Variants in UNC13C observed in about 807,000 individuals in gnomAD.
UNC13C encodes protein unc-13 homolog C.
Under a neutral mutation model 245.4 loss-of-function variants are expected in UNC13C, and 174 were observed. The ratio of observed to expected loss-of-function variants is 0.71; its 90% CI spans 0.63 to 0.80. The LOEUF (loss-of-function observed/expected upper bound fraction) is 0.80, where lower values mean the gene tolerates loss of function less well. Among genes scored for constraint, UNC13C ranks in the 30% least tolerant of loss-of-function variants. UNC13C has a pLI of 0.00. For missense variants in UNC13C, 2,829 were observed against 2,602.9 expected (o/e 1.09, Z -1.89); for synonymous variants, 992 against 895.1 (o/e 1.11, Z -1.93).
At chr15:54,449,624 A>G (rs993973847) in intron 19 of UNC13C, among the ~76,000 whole-genome samples, 8 of 152,228 alleles carry the variant, frequency 5.3e-5, no homozygotes, top group East Asian at 3.8e-4. Context: ...TTTCAGCTCC[A>G]TCAGGTCCTT....
rs147403923 is a variant in UNC13C at position 54,432,457 on chromosome 15, G to A, written c.4933+17390G>A. Reference sequence around the variant, plus strand: ...AGGATTAAGAAACTCACTCAAAACCGCACAACTACCTGGAAACTGAACAAC... The same window carrying A: ...AGGATTAAGAAACTCACTCAAAACCACACAACTACCTGGAAACTGAACAAC... On this transcript the variant is annotated intron_variant, in intron 19 of 32. Coordinates refer to ENST00000260323, the MANE Select transcript of UNC13C (RefSeq NM_001080534.3). 1.5e-3 allele frequency among the ~76,000 whole-genome samples: 221 copies of A among 151,792 alleles called. 2 individuals carry two copies. Among genetic ancestry groups the A allele is most frequent in the East Asian group, 7.6e-3 (39 of 5,136 alleles).
chr15:54,160,528 G>C (rs532623988), intron 4 of UNC13C, among the ~76,000 whole-genome samples: 1 of 151,906 alleles, frequency 6.6e-6, no homozygotes, highest in South Asian at 2.1e-4. Context: ...AAGATCCAGA[G>C]TCACTTAAAC....
At chr15:54,437,007 C>A (rs570419060) in intron 19 of UNC13C, among the ~76,000 whole-genome samples, 1 of 151,848 alleles carries the variant, frequency 6.6e-6, no homozygotes, top group Non-Finnish European at 1.5e-5. Flanking sequence ...TAGCCCATAG[C>A]CTGCAAAATT....
At chr15:54,301,886 C>G (rs1007275817) in intron 13 of UNC13C, among the ~76,000 whole-genome samples, 1 of 152,176 alleles carries the variant, frequency 6.6e-6, no homozygotes, top group African/African-American at 2.4e-5. Flanking sequence ...AATGGTTGAA[C>G]TAATTTACAC....
intron 4 of UNC13C, among the ~76,000 whole-genome samples, chr15:54,154,813 A>G (rs1028448583): frequency 1.3e-5 from 2 of 152,202 alleles, no homozygotes; most frequent in Admixed American, 1.3e-4. Context: ...AAAAGGGACT[A>G]TATTGTCCTG....
At chr15:54,428,829 A>G (rs943113239) in intron 19 of UNC13C, among the ~76,000 whole-genome samples, 1 of 151,462 alleles carries the variant, frequency 6.6e-6, no homozygotes, top group Non-Finnish European at 1.5e-5. Context: ...ATAGATTGCA[A>G]ATGTGCTTGT....
intron 30 of UNC13C, among the ~76,000 whole-genome samples, chr15:54,592,625 C>T (rs899270436): frequency 2.6e-5 from 4 of 152,104 alleles, no homozygotes; most frequent in African/African-American, 9.7e-5. Flanking sequence ...CCCCTGCTTG[C>T]TTTTGGTGTC....
At chr15:54,160,375 C>T (rs1595927197) in intron 4 of UNC13C, among the ~76,000 whole-genome samples, 2 of 148,892 alleles carry the variant, frequency 1.3e-5, no homozygotes, top group African/African-American at 5.0e-5. Flanking sequence ...TGTTATTACA[C>T]CCTCCTAACA....
At chr15:54,415,550 C>T (rs1201501770) in intron 19 of UNC13C, among the ~76,000 whole-genome samples, 1 of 152,138 alleles carries the variant, frequency 6.6e-6, no homozygotes, top group African/African-American at 2.4e-5. Context: ...AGAAATACAG[C>T]TCTAAGTTAA....
chr15:54,174,134 C>A (rs77320308), intron 4 of UNC13C, among the ~76,000 whole-genome samples: 5,432 of 152,082 alleles, frequency 0.036, 286 homozygotes, highest in East Asian at 0.11. Context: ...TGTTTTTATG[C>A]TCATGAGGGC....
chr15:54,163,413 T>A (rs970708507), intron 4 of UNC13C, among the ~76,000 whole-genome samples: 7 of 152,152 alleles, frequency 4.6e-5, no homozygotes, highest in African/African-American at 1.4e-4. Flanking sequence ...AAACTTCTTT[T>A]GTTATAAGCC....
At position 54,013,031 on chromosome 15, in the gene UNC13C, A is replaced by G. The variant is rs1291095376; in HGVS notation, c.128A>G (p.Asp43Gly). The part of the protein sequence containing the change: ...KEYRQQKKDQ[D>G]FPTAGQTKSP... ...TATCGTCAGCAGAAAAAGGATCAAG[A>G]CTTCCCCACTGCTGGCCAGACCAAA... The change falls in exon 2 of 33, where the codon GAC becomes GGC. Residue 43 changes from aspartate to glycine, a missense_variant. By Grantham distance (94) the Asp-to-Gly change is moderately conservative. Transcript: ENST00000260323. The G allele has an allele frequency of 6.2e-7, 1 of 1,613,862 alleles. No homozygotes were observed. The highest frequency in any genetic ancestry group is 1.1e-5 in the South Asian group (1 of 91,080).
chr15:54,227,485 A>G (rs1378716211), intron 4 of UNC13C, among the ~76,000 whole-genome samples: 6 of 152,136 alleles, frequency 3.9e-5, no homozygotes, highest in Admixed American at 3.3e-4. Context: ...ATGCTGAGCC[A>G]CCTGCAGCAC....
At chr15:54,568,403 CA>C (rs1392492895) in intron 30 of UNC13C, among the ~76,000 whole-genome samples, 1 of 152,034 alleles carries the variant, frequency 6.6e-6, no homozygotes, top group Non-Finnish European at 1.5e-5. Flanking sequence ...ATTTTATGCT[CA>C]TTTCATATGA....
intron 14 of UNC13C, among the ~76,000 whole-genome samples, chr15:54,323,459 A>T (rs899687497): frequency 6.6e-6 from 1 of 152,054 alleles, no homozygotes; most frequent in Non-Finnish European, 1.5e-5. Flanking sequence ...AACATGCTCA[A>T]TGAAGAAGAT....
chr15:53,983,059 A>T (rs1244812394), intron 1 of UNC13C, among the ~76,000 whole-genome samples: 1 of 152,136 alleles, frequency 6.6e-6, no homozygotes, highest in Non-Finnish European at 1.5e-5. Flanking sequence ...GTATTGGCTT[A>T]ATTATAATCC....
chr15:54,369,743 C>T (rs112635610), intron 17 of UNC13C, among the ~76,000 whole-genome samples: 3 of 152,194 alleles, frequency 2.0e-5, no homozygotes, highest in African/African-American at 4.8e-5. Flanking sequence ...AAATGACACT[C>T]AGATTAGTCA....
At chr15:54,361,773 T>C (rs1033925414) in intron 17 of UNC13C, among the ~76,000 whole-genome samples, 5 of 152,234 alleles carry the variant, frequency 3.3e-5, no homozygotes, top group Non-Finnish European at 7.3e-5. Flanking sequence ...TGAGTAAGAC[T>C]TACTCTGTGA....
At chr15:53,933,689 T>G in the UNC13C span, among the ~76,000 whole-genome samples, 174 of 152,350 alleles carry the variant, frequency 1.1e-3, 1 homozygote, top group Non-Finnish European at 7.3e-5. Context: ...TGCTGTTGAA[T>G]ACGTCTGTGC....
Sources: gnomAD v4.1 joint callset for allele counts (sites outside exome capture counted in the v4.1 genomes callset) on GRCh38, gnomAD v4.1.1 for gene constraint, MANE v1.5 for transcripts, NCBI Gene and HGNC (gene_info 2026-07-23, HGNC 2026-07-21) for gene names.